AP4B1: variants seen among roughly 807,000 people sequenced by gnomAD.
The protein encoded by AP4B1 is adaptor related protein complex 4 subunit beta 1, also known as AP-4 complex subunit beta-1.
A neutral mutation model predicts 76.5 loss-of-function variants in AP4B1; 49 were observed. The ratio of observed to expected loss-of-function variants is 0.64; its 90% confidence interval spans 0.51 to 0.81. The LOEUF (loss-of-function observed/expected upper bound fraction) is 0.81, where lower values mean the gene tolerates loss of function less well. AP4B1 is among the 40% of genes least tolerant of loss of function. The pLI is 0.00. For missense variants in AP4B1, 911 were observed against 904.9 expected (o/e 1.01, Z -0.09); for synonymous variants, 330 against 333.3 (o/e 0.99, Z 0.11).
chr1:113,898,466 G>A (rs1435122403), intron 6 of AP4B1, among the ~76,000 whole-genome samples: 1 of 152,142 alleles, frequency 6.6e-6, no homozygotes, highest in Non-Finnish European at 1.5e-5. Context: ...AAGTAAAGAT[G>A]GTGAAATATC....
intron 3 of AP4B1, 73 bp from the exon 4 acceptor site, chr1:113,901,456 G>A (rs1668255315): frequency 6.6e-7 from 1 of 1,517,318 alleles, no homozygotes; most frequent in African/African-American, 1.4e-5. Context: ...CAGAGTAATA[G>A]CTCCAGGTAG....
intron 5 of AP4B1, 127 bp downstream of exon 5, chr1:113,899,777 T>G: frequency 6.8e-7 from 1 of 1,466,078 alleles, no homozygotes; most frequent in Non-Finnish European, 9.4e-7. Context: ...ACTGACCCAA[T>G]TATTTAGTGC....
At chr1:113,904,872 C>T (rs549325966), upstream of AP4B1, 3 of 704,566 alleles carry the variant, frequency 4.3e-6, no homozygotes, top group Admixed American at 2.1e-5. Context: ...AGGGCCGGCA[C>T]GCTGGCCCTG....
intron 6 of AP4B1, among the ~76,000 whole-genome samples, chr1:113,898,331 G>A (rs1667748958): frequency 1.3e-5 from 2 of 152,190 alleles, no homozygotes. Context: ...TGCAGGATTG[G>A]CTCTTGCAGG....
At chr1:113,902,050 G>T in intron 2 of AP4B1, 165 bp from the exon 3 acceptor site, 1 of 916,392 alleles carries the variant, frequency 1.1e-6, no homozygotes, top group Non-Finnish European at 1.7e-6. Flanking sequence ...TGACTTTTCT[G>T]TTTTTTTCTT....
chr1:113,899,660 T>C (rs1015011070), intron 5 of AP4B1, among the ~76,000 whole-genome samples: 2 of 152,136 alleles, frequency 1.3e-5, no homozygotes, highest in Non-Finnish European at 2.9e-5. Context: ...TTAAGTATTG[T>C]AGTTTGTGTT....
chr1:113,897,687 C>A, intron 7 of AP4B1, 153 bp downstream of exon 7: 1 of 735,326 alleles, frequency 1.4e-6, no homozygotes, highest in South Asian at 1.7e-5. Flanking sequence ...AATTTATATG[C>A]CATCTATATC....
Position 113,902,761 on chromosome 1 carries a change from A to G in AP4B1, c.215T>C (p.Met72Thr), listed in dbSNP as rs566369623. 1.1e-5 allele frequency: 17 copies of G among 1,614,238 alleles called. No individual in the cohort carries two copies. The East Asian group carries it at 3.1e-4, about 30-fold the overall frequency. Residue 72 changes from methionine to threonine, a missense_variant, in exon 2 of 10, where the codon ATG becomes ACG. By Grantham distance (81) the Met-to-Thr change is moderately conservative. Coordinates refer to ENST00000369569, the MANE Select transcript of AP4B1 (RefSeq NM_001253852.3). The stretch of plus-strand genomic sequence containing the variant: ...TGGTTTCAGGGGAGCATATGTGCAC[A>G]TGTACAGATAAACCAACTTCTTCTG... ...IVQKKLVYLYMCTYAPLKPDL... is the reference protein window; with the variant it reads ...IVQKKLVYLYTCTYAPLKPDL...
In AP4B1 at chr1:113,904,737, C is replaced by A; in HGVS notation, c.-20G>T. Reference sequence around the variant, plus strand: ...CGGCATCTTCCTAAGAGTCACAGGGCAGCTCCCACAGCTCCCACGGTAACT... The same window carrying A: ...CGGCATCTTCCTAAGAGTCACAGGGAAGCTCCCACAGCTCCCACGGTAACT... On this transcript the variant is annotated 5_prime_UTR_variant, in exon 1 of 10. Coordinates refer to ENST00000369569, the MANE Select transcript of AP4B1 (RefSeq NM_001253852.3). 2 of 1,591,266 alleles carry A rather than the reference C, an allele frequency of 1.3e-6. No homozygotes were observed. The highest frequency in any genetic ancestry group is 1.7e-6 in the Non-Finnish European group (2 of 1,160,994).
chr1:113,899,019 A>G, intron 5 of AP4B1: 2 of 1,152,726 alleles, frequency 1.7e-6, no homozygotes, highest in Non-Finnish European at 2.3e-6. Flanking sequence ...AGAAAACTGA[A>G]AGCTCATAGC....
Position 113,900,263 on chromosome 1 carries a change from A to G in AP4B1, c.755T>C (p.Val252Ala), listed in dbSNP as rs141417436. The G allele has an allele frequency of 1.9e-3, 3,065 of 1,606,648 alleles. 3 individuals are homozygous for G. The highest frequency in any genetic ancestry group is 2.4e-3 in the Non-Finnish European group (2,861 of 1,175,346). The change falls in exon 5 of 10, where the codon GTG becomes GCG. Residue 252 changes from valine (V) to alanine (A), a missense_variant. Transcript: ENST00000369569. ...CAGAAAAAGTTTGGTAGCTCCCATC[A>G]CCACACCTGGGCTACTGCTCTTGAG... ...SFLKSSSPGVVMGATKLFLIL... is the reference protein window; with the variant it reads ...SFLKSSSPGVAMGATKLFLIL...
intron 2 of AP4B1, chr1:113,902,239 C>T (rs1171553591): frequency 2.6e-6 from 1 of 391,906 alleles, no homozygotes; most frequent in Admixed American, 3.8e-5. Flanking sequence ...ACCATCTTGC[C>T]CAGCTGGTCT....
chr1:113,898,889 G>C (rs879204724), intron 5 of AP4B1, 88 bp from the exon 6 acceptor site: 29 of 910,846 alleles, frequency 3.2e-5, no homozygotes, highest in South Asian at 5.0e-5. Context: ...AAAGACAAAA[G>C]AAACAGAATT....
At chr1:113,896,630 A>G in intron 7 of AP4B1, 165 bp from the exon 8 acceptor site, 1 of 652,800 alleles carries the variant, frequency 1.5e-6, no homozygotes, top group East Asian at 2.7e-5. Flanking sequence ...TACTCTCTAC[A>G]ACAAATAGGA....
chr1:113,902,094 C>T (rs1668346809), intron 2 of AP4B1: 1 of 608,900 alleles, frequency 1.6e-6, no homozygotes, highest in African/African-American at 1.8e-5. Flanking sequence ...CTTTGTCACC[C>T]AGTGGCCCGA....
Position 113,896,370 on chromosome 1 carries a change from C to T in AP4B1, c.1398G>A (p.Ser466=), listed in dbSNP as rs762447990. 6 of 1,614,170 alleles carry T rather than the reference C, an allele frequency of 3.7e-6. No homozygotes were observed. The South Asian group carries it at 4.4e-5, about 12-fold the overall frequency. ...CCATCTTAACAGCTGGAAATGTTTCCGACTTCACATTCTCAACAAAGTCCT... is the reference window on the plus strand; with the variant it reads ...CCATCTTAACAGCTGGAAATGTTTCTGACTTCACATTCTCAACAAAGTCCT... ...VLEDFVENVK[S]ETFPAVKMEL... The change falls in exon 8 of 10, where the codon TCG becomes TCA. Residue 466 remains serine (S), a synonymous_variant. Coordinates refer to ENST00000369569, the MANE Select transcript of AP4B1 (RefSeq NM_001253852.3).
Position 113,894,740 on chromosome 1 carries a change from C to A in AP4B1, c.*325G>T. On this transcript the variant is annotated 3_prime_UTR_variant, in exon 10 of 10. Coordinates refer to ENST00000369569, the MANE Select transcript of AP4B1 (RefSeq NM_001253852.3). ...AAGATGACCCCCACAAATGATGACCCCTATCAGTTTCCACACATCAGCCAT... is the reference window on the plus strand; with the variant it reads ...AAGATGACCCCCACAAATGATGACCACTATCAGTTTCCACACATCAGCCAT... 3.2e-6 allele frequency: 1 copy of A among 312,980 alleles called. No homozygotes were observed. Among genetic ancestry groups the A allele is most frequent in the Non-Finnish European group, 6.1e-6 (1 of 165,120 alleles). The allele number at this position is 312,980 out of a possible 1,614,324, so 19.4% of individuals were successfully genotyped here.
chr1:113,900,039 A>T lies in AP4B1; in HGVS notation c.979T>A (p.Tyr327Asn). Residue 327 changes from tyrosine to asparagine, a missense_variant, in exon 5 of 10, where the codon TAC becomes AAC. Coordinates refer to ENST00000369569, the MANE Select transcript of AP4B1 (RefSeq NM_001253852.3). ...KFFCSYSEPH[Y>N]IKLQKVEVLC... ...ACCTCCACTTTCTGTAGTTTGATGT[A>T]GTGGGGCTCCGAGTAGGAGCAAAAA... 6.2e-7 allele frequency: 1 copy of T among 1,614,218 alleles called. No homozygotes were observed. The highest frequency in any genetic ancestry group is 8.5e-7 in the Non-Finnish European group (1 of 1,180,040).
chr1:113,896,832 T>A lies in AP4B1; in HGVS notation c.1303-367A>T, dbSNP rs1667531042. On this transcript the variant is annotated intron_variant, in intron 7 of 9. Coordinates refer to ENST00000369569, the MANE Select transcript of AP4B1 (RefSeq NM_001253852.3). Reference sequence around the variant, plus strand: ...TAACCTAGAGTGCACATCAGAGTCATCTGTGAAGCTTCTTAAAAATGTATC... The same window carrying A: ...TAACCTAGAGTGCACATCAGAGTCAACTGTGAAGCTTCTTAAAAATGTATC... 2.2e-5 allele frequency: 6 copies of A among 269,902 alleles called. No homozygotes were observed. The South Asian group carries it at 2.7e-4, about 12-fold the overall frequency. The allele number at this position is 269,902 out of a possible 1,614,324, so 16.7% of individuals were successfully genotyped here.
Sources: allele counts gnomAD v4.1 joint callset (sites outside exome capture counted in the v4.1 genomes callset), GRCh38; gene constraint gnomAD v4.1.1; transcripts MANE v1.5; gene names NCBI Gene and HGNC (gene_info 2026-07-23, HGNC 2026-07-21).